Variants in NALCN observed in about 807,000 individuals in gnomAD.
The protein encoded by NALCN is sodium leak channel, non-selective, also known as sodium leak channel NALCN.
A neutral mutation model predicts 225.3 loss-of-function variants in NALCN; 111 were observed. The observed-to-expected ratio is 0.49, with a 90% CI of 0.42 to 0.58. The LOEUF (loss-of-function observed/expected upper bound fraction) is 0.58. NALCN is among the 20% of genes least tolerant of loss of function. The pLI is 0.00. For synonymous variants in NALCN, 764 were observed against 769.0 expected, an observed-to-expected ratio of 0.99 and a Z score of 0.11; for missense variants, 1,378 against 2,202.4, an observed-to-expected ratio of 0.63 and a Z score of 7.49.
intron 15 of NALCN, among the ~76,000 whole-genome samples, chr13:101,156,379 T>C (rs7321204): frequency 0.32 from 48,827 of 151,978 alleles, 8,080 homozygotes; most frequent in East Asian, 0.45. Flanking sequence ...GTTTCTAGTA[T>C]ATCCTTACTT....
At chr13:101,225,016 G>A (rs1362951730) in intron 13 of NALCN, among the ~76,000 whole-genome samples, 1 of 152,120 alleles carries the variant, frequency 6.6e-6, no homozygotes, top group South Asian at 2.1e-4. Flanking sequence ...CAGCCTCTCC[G>A]TCAACCAATG....
intron 15 of NALCN, among the ~76,000 whole-genome samples, chr13:101,159,853 G>A (rs142399908): frequency 1.3e-3 from 199 of 152,306 alleles, no homozygotes; most frequent in Non-Finnish European, 2.3e-3. Flanking sequence ...ACCCAAGTTA[G>A]ATTTGGTAAA....
At chr13:101,180,805 T>C (rs778553715) in intron 14 of NALCN, 1 of 331,608 alleles carries the variant, frequency 3.0e-6, no homozygotes. Flanking sequence ...TGCTCCCAAG[T>C]GAGGTGTGTG....
At chr13:101,408,858 A>G (rs1437071050) in intron 1 of NALCN, among the ~76,000 whole-genome samples, 1 of 152,184 alleles carries the variant, frequency 6.6e-6, no homozygotes, top group Admixed American at 6.5e-5. Flanking sequence ...ACATAGGGGA[A>G]GGCAAATGTT....
chr13:101,110,752 C>T, intron 19 of NALCN, 64 bp from the exon 20 acceptor site: 3 of 1,524,982 alleles, frequency 2.0e-6, no homozygotes, highest in Non-Finnish European at 2.7e-6. Flanking sequence ...AAGCAGTGAC[C>T]ATGATAAAAT....
chr13:101,273,014 TTCCTCACAGGAGGCACGCGGTGGAATA>T (rs2042848433), intron 10 of NALCN, among the ~76,000 whole-genome samples: 1 of 152,200 alleles, frequency 6.6e-6, no homozygotes, highest in Non-Finnish European at 1.5e-5. Context: ...CCTCCCTCTG[TTCCTCACAGGAGGCACGCGGTGGAATA>T]TGCTACCAGA....
At position 101,268,487 on chromosome 13, in the gene NALCN, T is replaced by C. The variant is rs2042669558; in HGVS notation, c.1135-9913A>G. On this transcript the variant is annotated intron_variant, in intron 10 of 43. Coordinates refer to ENST00000251127, the MANE Select transcript of NALCN (RefSeq NM_052867.4). ...TAACCCTTGTGGGAAGGGGAGACTA[T>C]TTTCTGGGCTTTTCTAAGGTGTTTA... Among the ~76,000 whole-genome samples, 3 of 152,272 alleles carry C rather than the reference T, an allele frequency of 2.0e-5. No homozygotes were observed. The South Asian group carries it at 6.2e-4, about 32-fold the overall frequency.
chr13:101,098,900 C>G (rs572141607), intron 27 of NALCN, among the ~76,000 whole-genome samples: 2 of 152,012 alleles, frequency 1.3e-5, no homozygotes, highest in Admixed American at 1.3e-4. Context: ...ATGGCTGAGT[C>G]TCCTTAGGCT....
At chr13:101,316,314 A>C (rs1767628386) in intron 7 of NALCN, among the ~76,000 whole-genome samples, 1 of 152,182 alleles carries the variant, frequency 6.6e-6, no homozygotes, top group African/African-American at 2.4e-5. Flanking sequence ...CCTCAATCTA[A>C]CTGAAGGTCA....
chr13:101,366,234 T>A (rs2046373934), intron 6 of NALCN, among the ~76,000 whole-genome samples: 1 of 152,132 alleles, frequency 6.6e-6, no homozygotes, highest in South Asian at 2.1e-4. Context: ...CAGAGAAGAA[T>A]CTAAAGCTTT....
intron 37 of NALCN, among the ~76,000 whole-genome samples, chr13:101,071,193 G>C (rs1303648347): frequency 6.6e-6 from 1 of 152,164 alleles, no homozygotes; most frequent in Non-Finnish European, 1.5e-5. Context: ...AGGGTCCTAG[G>C]ATTTTTGGAA....
chr13:101,117,323 A>T (rs542581387), intron 18 of NALCN, among the ~76,000 whole-genome samples: 17 of 152,332 alleles, frequency 1.1e-4, no homozygotes, highest in African/African-American at 4.1e-4. Context: ...ATTTCAGCAT[A>T]AAAAATGTCT....
At position 101,334,461 on chromosome 13, in the gene NALCN, A is replaced by AACAC. The variant is rs1254909220; in HGVS notation, c.799+10804_799+10805insGTGT. Among the ~76,000 whole-genome samples, 467 of 152,132 alleles carry AACAC rather than the reference A, an allele frequency of 3.1e-3. 5 individuals are homozygous for AACAC. The highest frequency in any genetic ancestry group is 0.01 in the African/African-American group (416 of 41,446). ...GAGGCATTCCAGGAAGAATGGGATG[A>AACAC]ATACATACATTCAAGAAGAGAATGG... On this transcript the variant is annotated intron_variant, in intron 7 of 43. Coordinates refer to ENST00000251127, the MANE Select transcript of NALCN (RefSeq NM_052867.4).
intron 32 of NALCN, 26 bp from the exon 33 acceptor site, chr13:101,082,909 G>A (rs371270697): frequency 8.1e-6 from 13 of 1,612,974 alleles, no homozygotes; most frequent in East Asian, 2.2e-5. Flanking sequence ...CACACGAGTC[G>A]TTGCCCACGT....
chr13:101,151,339 T>C (rs1374416250), intron 15 of NALCN, among the ~76,000 whole-genome samples: 3 of 152,246 alleles, frequency 2.0e-5, no homozygotes, highest in African/African-American at 7.2e-5. Flanking sequence ...TCCTTTCTGA[T>C]TGCTGTGAGG....
intron 13 of NALCN, among the ~76,000 whole-genome samples, chr13:101,204,713 A>G (rs547190028): frequency 3.3e-5 from 5 of 152,226 alleles, no homozygotes; most frequent in South Asian, 2.1e-4. Flanking sequence ...GGTATGTCCA[A>G]TTGTCTCTTT....
chr13:101,299,531 A>C (rs1160200972), intron 7 of NALCN, among the ~76,000 whole-genome samples: 1 of 152,144 alleles, frequency 6.6e-6, no homozygotes, highest in African/African-American at 2.4e-5. Flanking sequence ...ACACAGAAGA[A>C]AACAGACTAA....
chr13:101,100,307 C>A (rs1003661505), intron 27 of NALCN, among the ~76,000 whole-genome samples: 9 of 152,180 alleles, frequency 5.9e-5, no homozygotes, highest in African/African-American at 2.2e-4. Context: ...GGGAAAGTAT[C>A]CAAAGCTTAC....
chr13:101,280,587 G>A (rs1326275177), intron 10 of NALCN, among the ~76,000 whole-genome samples: 1 of 152,108 alleles, frequency 6.6e-6, no homozygotes, highest in African/African-American at 2.4e-5. Context: ...TTAAAGCTCT[G>A]GATACCATAC....
Sources: allele counts gnomAD v4.1 joint callset (sites outside exome capture counted in the v4.1 genomes callset), GRCh38; gene constraint gnomAD v4.1.1; transcripts MANE v1.5; gene names NCBI Gene and HGNC (gene_info 2026-07-23, HGNC 2026-07-21).